L3MBTL4: variants seen among roughly 807,000 people sequenced by gnomAD.
L3MBTL4 encodes the protein L3MBTL histone methyl-lysine binding protein 4.
L3MBTL4 carries 70 observed loss-of-function variants against 84.5 expected under a neutral mutation model. That is an observed-to-expected ratio of 0.83 (90% CI 0.68 to 1.01). The LOEUF is 1.01. Ranked by LOEUF, L3MBTL4 falls within the 50% of genes least tolerant of loss-of-function variation. The probability of loss-of-function intolerance (pLI) is 0.00; values close to 1 mark genes in which losing one functional copy is unlikely to be tolerated. For missense variants in L3MBTL4, 715 were observed against 754.8 expected (o/e 0.95, Z 0.62); for synonymous variants, 274 against 259.8 (o/e 1.05, Z -0.52).
intron 1 of L3MBTL4, among the ~76,000 whole-genome samples, chr18:6,357,150 C>T (rs73389643): frequency 0.14 from 21,497 of 152,130 alleles, 2,134 homozygotes; most frequent in East Asian, 0.3. Flanking sequence ...TTAGCTCCCA[C>T]CTGAAACCTT....
chr18:6,053,697 G>A (rs560678449), intron 16 of L3MBTL4, among the ~76,000 whole-genome samples: 9 of 152,138 alleles, frequency 5.9e-5, no homozygotes, highest in African/African-American at 2.2e-4. Context: ...CTCTGGTTGC[G>A]CCTATGGTCC....
At chr18:6,114,267 G>C (rs931999644) in intron 14 of L3MBTL4, among the ~76,000 whole-genome samples, 2 of 152,138 alleles carry the variant, frequency 1.3e-5, no homozygotes, top group Admixed American at 1.3e-4. Flanking sequence ...GCCCTTCCCT[G>C]CCACCTTCTT....
chr18:5,998,579 T>C (rs987726159), intron 16 of L3MBTL4, among the ~76,000 whole-genome samples: 2 of 152,126 alleles, frequency 1.3e-5, no homozygotes, highest in Non-Finnish European at 2.9e-5. Flanking sequence ...GGTCAGCTAA[T>C]CATTTATGAG....
chr18:6,180,385 C>T (rs1219256090), intron 12 of L3MBTL4, among the ~76,000 whole-genome samples: 12 of 152,056 alleles, frequency 7.9e-5, no homozygotes, highest in Non-Finnish European at 1.6e-4. Context: ...GGCCACATGC[C>T]TGAAGTGCTG....
rs442326 is a variant in L3MBTL4, at chr18:6,280,920, C to T, written c.128-16882G>A. Among the ~76,000 whole-genome samples the T allele has an allele frequency of 4.1e-3, 629 of 152,198 alleles. 5 individuals are homozygous for T. The highest frequency in any genetic ancestry group is 0.014 in the African/African-American group (592 of 41,518). The stretch of plus-strand genomic sequence containing the variant: ...CTTGAGCCTTCAGAAGGAAGCAGCC[C>T]TCCTCACACCTTGACTCTGGCCCAC... On this transcript the variant is annotated intron_variant, in intron 4 of 18. Coordinates refer to ENST00000317931, the MANE Select transcript of L3MBTL4 (RefSeq NM_001330559.2).
At chr18:6,045,508 A>C (rs934776909) in intron 16 of L3MBTL4, among the ~76,000 whole-genome samples, 5 of 152,202 alleles carry the variant, frequency 3.3e-5, no homozygotes, top group African/African-American at 1.2e-4. Flanking sequence ...TTACGGTGGA[A>C]GGCAAGGAGG....
chr18:6,319,316 G>A (rs952858085), intron 1 of L3MBTL4, among the ~76,000 whole-genome samples: 15 of 151,904 alleles, frequency 9.9e-5, no homozygotes, highest in African/African-American at 3.6e-4. Context: ...CAAAAAAGTC[G>A]ATGAAACCAA....
intron 12 of L3MBTL4, among the ~76,000 whole-genome samples, chr18:6,197,698 T>A (rs2045467559): frequency 6.6e-6 from 1 of 152,218 alleles, no homozygotes; most frequent in Non-Finnish European, 1.5e-5. Flanking sequence ...AACACTGGCC[T>A]TCCTGGGGCA....
intron 12 of L3MBTL4, among the ~76,000 whole-genome samples, chr18:6,200,444 C>T (rs536927859): frequency 1.3e-4 from 20 of 152,254 alleles, no homozygotes; most frequent in Non-Finnish European, 2.1e-4. Flanking sequence ...TTCATGCTAC[C>T]GGCAGTTTTT....
In L3MBTL4 at chr18:6,141,041, T is replaced by C. The variant is rs192792427; in HGVS notation, c.1097-2745A>G. Among the ~76,000 whole-genome samples the C allele has an allele frequency of 1.2e-4, 18 of 150,176 alleles. No individual in the cohort carries two copies. In the East Asian group the frequency reaches 3.4e-3, roughly 28 times the overall value. On this transcript the variant is annotated intron_variant, in intron 13 of 18. Transcript: ENST00000317931. The stretch of plus-strand genomic sequence containing the variant: ...TGAGTGCCTCTGAAAGGAAGAACTA[T>C]GGAATACTCACCTATTCCGCAAGCA...
chr18:5,990,787 G>C (rs537445652), intron 16 of L3MBTL4, among the ~76,000 whole-genome samples: 2 of 151,934 alleles, frequency 1.3e-5, no homozygotes, highest in South Asian at 4.1e-4. Flanking sequence ...GTGTGTGTGT[G>C]TGTGTGTGTG....
chr18:6,290,748 G>A (rs780682918), intron 4 of L3MBTL4, among the ~76,000 whole-genome samples: 2 of 151,656 alleles, frequency 1.3e-5, no homozygotes, highest in East Asian at 1.9e-4. Context: ...GGCTTGTCTC[G>A]AACTCCTGAC....
chr18:6,243,096 T>C (rs1415447606), intron 7 of L3MBTL4, among the ~76,000 whole-genome samples, 198 bp downstream of exon 7: 1 of 152,244 alleles, frequency 6.6e-6, no homozygotes. Context: ...ACCTAAATAG[T>C]CATTTATGCT....
intron 16 of L3MBTL4, among the ~76,000 whole-genome samples, chr18:6,006,218 C>G (rs1164282830): frequency 6.6e-6 from 1 of 152,054 alleles, no homozygotes; most frequent in Non-Finnish European, 1.5e-5. Flanking sequence ...AAGGCTGATG[C>G]CGAACACTGA....
chr18:6,171,722 T>C (rs974135407), intron 13 of L3MBTL4, 106 bp downstream of exon 13: 4 of 605,624 alleles, frequency 6.6e-6, no homozygotes, highest in African/African-American at 3.8e-5. Flanking sequence ...AATTCGCCTA[T>C]GTGATGTTTA....
chr18:6,200,958 A>G (rs1052116584), intron 12 of L3MBTL4, among the ~76,000 whole-genome samples: 4 of 152,218 alleles, frequency 2.6e-5, no homozygotes, highest in African/African-American at 9.6e-5. Flanking sequence ...ATAACCTATC[A>G]GTACACTCTT....
chr18:6,226,356 A>G (rs2046782879), intron 10 of L3MBTL4, among the ~76,000 whole-genome samples: 1 of 152,202 alleles, frequency 6.6e-6, no homozygotes, highest in Non-Finnish European at 1.5e-5. Context: ...CAGTGAGCCT[A>G]GATCGCACCA....
At chr18:6,187,909 T>C (rs534738658) in intron 12 of L3MBTL4, among the ~76,000 whole-genome samples, 1 of 151,920 alleles carries the variant, frequency 6.6e-6, no homozygotes, top group South Asian at 2.1e-4. Context: ...TACAATTTTG[T>C]GTGTAGTGAG....
At chr18:6,043,938 T>C (rs2056509395) in intron 16 of L3MBTL4, among the ~76,000 whole-genome samples, 1 of 152,218 alleles carries the variant, frequency 6.6e-6, no homozygotes, top group African/African-American at 2.4e-5. Flanking sequence ...TGTATTTCTT[T>C]CCTTTGACCT....
Sources: gnomAD v4.1 joint callset for allele counts (sites outside exome capture counted in the v4.1 genomes callset) on GRCh38, gnomAD v4.1.1 for gene constraint, MANE v1.5 for transcripts, NCBI Gene and HGNC (gene_info 2026-07-23, HGNC 2026-07-21) for gene names.